SLC3A1: variants seen among roughly 807,000 people sequenced by gnomAD.
The protein encoded by SLC3A1 is amino acid transporter heavy chain SLC3A1.
Under a neutral mutation model 60.3 loss-of-function variants are expected in SLC3A1, and 78 were observed. That is an observed-to-expected ratio of 1.29 (90% CI 1.08 to 1.56). The LOEUF (loss-of-function observed/expected upper bound fraction) is 1.56. Among genes scored for constraint, SLC3A1 ranks in the 40% most tolerant of loss-of-function variants. The pLI, the probability that SLC3A1 is intolerant of heterozygous loss-of-function variation, is 0.00. For missense variants in SLC3A1, 1,172 were observed against 858.9 expected (o/e 1.36, Z -4.56); for synonymous variants, 392 against 307.9 (o/e 1.27, Z -2.86).
chr2:44,312,992 A>G (rs1672337673), intron 8 of SLC3A1, among the ~76,000 whole-genome samples: 1 of 151,870 alleles, frequency 6.6e-6, no homozygotes, highest in Non-Finnish European at 1.5e-5. Context: ...CATTTTAAAG[A>G]TGTTTTCTAC....
At chr2:44,322,209 C>G (rs1673039246), downstream of SLC3A1, among the ~76,000 whole-genome samples, 2 of 152,128 alleles carry the variant, frequency 1.3e-5, no homozygotes, top group South Asian at 4.1e-4. Context: ...GAAACACCAA[C>G]TACAGCAATG....
intron 4 of SLC3A1, among the ~76,000 whole-genome samples, chr2:44,292,990 A>T (rs1456701424): frequency 1.3e-5 from 2 of 152,110 alleles, no homozygotes; most frequent in Admixed American, 6.5e-5. Context: ...TGGTGCAGTA[A>T]TCGGGAAAGA....
intron 2 of SLC3A1, 29 bp downstream of exon 2, chr2:44,280,924 G>A (rs764954618): frequency 1.3e-6 from 2 of 1,597,046 alleles, no homozygotes; most frequent in Non-Finnish European, 1.7e-6. Context: ...GGGCAAGATG[G>A]GGATGAGGTT....
chr2:44,314,419 T>C (rs541683965), intron 9 of SLC3A1: 2 of 217,338 alleles, frequency 9.2e-6, no homozygotes, highest in Admixed American at 1.0e-4. Flanking sequence ...AAGTGGTTGC[T>C]CTGGCATACT....
rs954729218 is a variant in SLC3A1 at position 44,281,686 on chromosome 2, G to A, written c.765+145G>A. 1.8e-5 allele frequency: 13 copies of A among 742,174 alleles called. No individual in the cohort carries two copies. In the Admixed American group the frequency reaches 3.1e-4, roughly 18 times the overall value. The allele number at this position is 742,174 out of a possible 1,614,324, so 46.0% of individuals were successfully genotyped here. A position where few individuals can be genotyped will look rare whatever the true frequency, so the allele number is the denominator to read the frequency against. ...AGTTTCTGAAAGAAATAGAAATAAG[G>A]TTTCCAGTTGTTATTTACTCAGGCT... On this transcript the variant is annotated intron_variant, in intron 3 of 9. Transcript: ENST00000260649.
intron 7 of SLC3A1, among the ~76,000 whole-genome samples, chr2:44,307,669 G>C (rs533893465): frequency 5.3e-5 from 8 of 151,390 alleles, no homozygotes; most frequent in African/African-American, 1.7e-4. Flanking sequence ...TGTCTGTTCA[G>C]ATTCTTTGCC....
At chr2:44,286,202 A>G (rs1399093831) in intron 4 of SLC3A1, 45 bp downstream of exon 4, 11 of 1,589,452 alleles carry the variant, frequency 6.9e-6, no homozygotes, top group Non-Finnish European at 8.6e-6. Context: ...ATGGAGGTTT[A>G]GGTATTTATT....
chr2:44,305,719 A>C lies in SLC3A1; in HGVS notation c.1332+1381A>C, dbSNP rs182164707. 3.8e-3 allele frequency among the ~76,000 whole-genome samples: 578 copies of C among 151,378 alleles called. 3 individuals are homozygous for C. The highest frequency in any genetic ancestry group is 6.1e-3 in the Non-Finnish European group (417 of 67,828). ...GCTGGGATTATGGGCATGAGCCACC[A>C]CTCCTGGCCCTTCCTTTCTTTAATA... On this transcript the variant is annotated intron_variant, in intron 7 of 9. Transcript: ENST00000260649.
chr2:44,280,632 C>A, intron 1 of SLC3A1, 84 bp from the exon 2 acceptor site: 1 of 951,732 alleles, frequency 1.1e-6, no homozygotes, highest in Non-Finnish European at 1.6e-6. Flanking sequence ...GTAAATATTT[C>A]TATCTTAGGC....
intron 6 of SLC3A1, among the ~76,000 whole-genome samples, chr2:44,301,670 C>G (rs1015941266): frequency 2.1e-4 from 29 of 138,408 alleles, no homozygotes; most frequent in Non-Finnish European, 4.1e-4. Flanking sequence ...ACCCGGGAAG[C>G]AGAGGTTGCA....
chr2:44,307,049 G>A (rs961117786), intron 7 of SLC3A1, among the ~76,000 whole-genome samples: 7 of 152,034 alleles, frequency 4.6e-5, no homozygotes, highest in East Asian at 1.9e-4. Flanking sequence ...CCTACTTTCC[G>A]TGTCTATGGA....
At chr2:44,298,433 C>T (rs977443530) in intron 4 of SLC3A1, among the ~76,000 whole-genome samples, 3 of 152,118 alleles carry the variant, frequency 2.0e-5, no homozygotes, top group Non-Finnish European at 4.4e-5. Context: ...GGCTGGAGTG[C>T]AGTGGCATGA....
downstream of SLC3A1, chr2:44,321,652 A>G: frequency 6.6e-7 from 1 of 1,519,252 alleles, no homozygotes; most frequent in Non-Finnish European, 8.8e-7. Flanking sequence ...CAAGTACAAG[A>G]GAGAGACATT....
intron 7 of SLC3A1, among the ~76,000 whole-genome samples, chr2:44,312,039 T>G (rs574727962): frequency 1.3e-5 from 2 of 152,322 alleles, no homozygotes; most frequent in African/African-American, 4.8e-5. Context: ...AACAAACTTA[T>G]TTAAATAAGG....
At chr2:44,276,212 C>T (rs1015025387) in intron 1 of SLC3A1, among the ~76,000 whole-genome samples, 3 of 152,104 alleles carry the variant, frequency 2.0e-5, no homozygotes, top group African/African-American at 7.2e-5. Flanking sequence ...AATTTATTGC[C>T]CACTAAGTAC....
intron 9 of SLC3A1, among the ~76,000 whole-genome samples, chr2:44,317,430 C>A (rs1282435901): frequency 1.4e-5 from 2 of 147,960 alleles, no homozygotes; most frequent in Non-Finnish European, 3.0e-5. Flanking sequence ...CCACTGCACT[C>A]CAGCTTGGGC....
rs771277513 is a variant in SLC3A1 at position 44,320,640 on chromosome 2, G to T, written c.*1G>T. 7 of 1,612,144 alleles carry T rather than the reference G, an allele frequency of 4.3e-6. No homozygotes were observed. The highest frequency in any genetic ancestry group is 2.2e-5 in the South Asian group (2 of 91,036). Reference sequence around the variant, plus strand: ...GAACATACTGTATACCTCGTGTTAGGCACCTTTATGAAGAGATGAAGACAC... The same window carrying T: ...GAACATACTGTATACCTCGTGTTAGTCACCTTTATGAAGAGATGAAGACAC... On this transcript the variant is annotated 3_prime_UTR_variant, in exon 10 of 10. Coordinates refer to ENST00000260649, the MANE Select transcript of SLC3A1 (RefSeq NM_000341.4).
chr2:44,321,717 G>C, downstream of SLC3A1: 1 of 1,596,248 alleles, frequency 6.3e-7, no homozygotes. Context: ...CCCATAGATA[G>C]GACATTTGTG....
rs756320563 is a variant in SLC3A1 at position 44,275,568 on chromosome 2, C to T, written c.33C>T (p.Ile11=). 7.4e-6 allele frequency: 12 copies of T among 1,614,026 alleles called. No homozygotes were observed. In the African/African-American group the frequency reaches 1.1e-4, roughly 14 times the overall value. ...AAGATAAAAGCAAGAGAGACTCCAT[C>T]GAGATGAGTATGAAGGGATGCCAGA... The part of the protein sequence containing the change: MAEDKSKRDS[I]EMSMKGCQTN... Residue 11 remains isoleucine, a synonymous_variant, in exon 1 of 10, where the codon ATC becomes ATT. Coordinates refer to ENST00000260649, the MANE Select transcript of SLC3A1 (RefSeq NM_000341.4).
Sources: gnomAD v4.1 joint callset for allele counts (sites outside exome capture counted in the v4.1 genomes callset) on GRCh38, gnomAD v4.1.1 for gene constraint, MANE v1.5 for transcripts, NCBI Gene and HGNC (gene_info 2026-07-23, HGNC 2026-07-21) for gene names.